Variants in TUSC3 observed in about 807,000 individuals in gnomAD.
TUSC3 encodes tumor suppressor candidate 3.
Under a neutral mutation model 44.8 loss-of-function variants are expected in TUSC3, and 45 were observed. That is an observed-to-expected ratio of 1.00 (90% confidence interval 0.79 to 1.29). The LOEUF (loss-of-function observed/expected upper bound fraction) is 1.29. Among genes scored for constraint, TUSC3 ranks in the 50% most tolerant of loss-of-function variants. The pLI, the probability that TUSC3 is intolerant of heterozygous loss-of-function variation, is 0.00. For synonymous variants in TUSC3, 212 were observed against 152.9 expected (o/e 1.39, Z -2.85); for missense variants, 519 against 437.9 (o/e 1.19, Z -1.65).
At chr8:15,624,014 T>C (rs1174117434) in intron 2 of TUSC3, among the ~76,000 whole-genome samples, 1 of 152,154 alleles carries the variant, frequency 6.6e-6, no homozygotes, top group Non-Finnish European at 1.5e-5. Flanking sequence ...CACTAGTCTG[T>C]TCTCCATTTC....
rs553454001 is a variant in TUSC3, at chr8:15,471,114, G to A, written n.92-12272G>A. Among the ~76,000 whole-genome samples the A allele has an allele frequency of 5.5e-5, 6 of 109,872 alleles. No homozygotes were observed. The South Asian group carries it at 1.5e-3, about 28-fold the overall frequency. 72.1% of individuals were successfully genotyped at this position (109,872 alleles called of 152,430 possible). A position where few individuals can be genotyped will look rare whatever the true frequency, so the allele number is the denominator to read the frequency against. On this transcript the variant is annotated intron_variant and non_coding_transcript_variant, in intron 1 of 5. Transcript: ENST00000503191. Reference sequence around the variant, plus strand: ...CTGTTTACTAACTGTGTGGTCAGAGGAGGTGCAAACATTTCTTTGATTTAA... The same window carrying A: ...CTGTTTACTAACTGTGTGGTCAGAGAAGGTGCAAACATTTCTTTGATTTAA...
chr8:15,551,869 G>A (rs1802072218), intron 1 of TUSC3, among the ~76,000 whole-genome samples: 1 of 151,726 alleles, frequency 6.6e-6, no homozygotes, highest in South Asian at 2.1e-4. Context: ...TAGCGTCATA[G>A]CATTTGTATA....
chr8:15,540,865 G>T (rs1801664436), intron 1 of TUSC3, among the ~76,000 whole-genome samples: 1 of 152,216 alleles, frequency 6.6e-6, no homozygotes, highest in Non-Finnish European at 1.5e-5. Flanking sequence ...GAGCAATGGT[G>T]CCACTAAAAG....
At chr8:15,431,069 T>C (rs13259179) in intron 1 of TUSC3, among the ~76,000 whole-genome samples, 37,377 of 151,704 alleles carry the variant, frequency 0.25, 5,859 homozygotes, top group Non-Finnish European at 0.34. Flanking sequence ...AGAACCGTAT[T>C]GTTTTAATTA....
chr8:15,671,509 C>T (rs1807945237), intron 5 of TUSC3, among the ~76,000 whole-genome samples: 4 of 152,046 alleles, frequency 2.6e-5, no homozygotes, highest in Middle Eastern at 3.4e-3. Context: ...TTTGTTGTTT[C>T]TTATGAAAAG....
chr8:15,788,479 G>A, the TUSC3 span, among the ~76,000 whole-genome samples: 24 of 151,062 alleles, frequency 1.6e-4, no homozygotes, highest in South Asian at 6.3e-4. Flanking sequence ...CCCAGGAGGC[G>A]GAGGTTGCAG....
upstream of TUSC3, among the ~76,000 whole-genome samples, chr8:15,539,881 G>T (rs1801613911): frequency 6.6e-6 from 1 of 151,982 alleles, no homozygotes; most frequent in South Asian, 2.1e-4. Context: ...GGAGTTAGAT[G>T]GTTTCCCAGG....
At chr8:15,487,780 G>T (rs112127350) in intron 2 of TUSC3, among the ~76,000 whole-genome samples, 1 of 152,080 alleles carries the variant, frequency 6.6e-6, no homozygotes. Flanking sequence ...TCCCATGTTA[G>T]ATGTTTCCAA....
chr8:15,761,652 G>A lies in TUSC3; in HGVS notation c.*47-2551G>A, dbSNP rs573946922. 2.6e-5 allele frequency among the ~76,000 whole-genome samples: 4 copies of A among 152,324 alleles called. No homozygotes were observed. In the South Asian group the frequency reaches 8.3e-4, roughly 32 times the overall value. ...ACTACAGTGCGATTCGTTCATGACTGAGCGTGGAGCAGAGTCCACACAGAA... is the reference window on the plus strand; with the variant it reads ...ACTACAGTGCGATTCGTTCATGACTAAGCGTGGAGCAGAGTCCACACAGAA... On this transcript the variant is annotated intron_variant, in intron 10 of 10. Coordinates refer to ENST00000503731, the MANE Select transcript of TUSC3 (RefSeq NM_006765.4).
chr8:15,761,091 C>T (rs896288831), intron 10 of TUSC3, among the ~76,000 whole-genome samples: 3 of 152,114 alleles, frequency 2.0e-5, no homozygotes, highest in Admixed American at 1.3e-4. Context: ...TTGTTAAATG[C>T]TGATTGAAAC....
At position 15,650,772 on chromosome 8, in the gene TUSC3, C is replaced by T. The variant is rs377335768; in HGVS notation, c.384C>T (p.Phe128=). 2.5e-6 allele frequency: 4 copies of T among 1,614,120 alleles called. No individual in the cohort carries two copies. The highest frequency in any genetic ancestry group is 2.2e-5 in the South Asian group (2 of 91,074). ...CTGCTTTTTGTAACAAGCTCTTCTT[C>T]AGTATGGTGGACTATGATGAGGGGA... is the stretch of plus-strand genomic sequence containing the variant. ...YSSAFCNKLF[F]SMVDYDEGTD... is the part of the protein sequence containing the mutation. The change falls in exon 3 of 11, where the codon TTC becomes TTT. Residue 128 remains phenylalanine, a synonymous_variant. Coordinates refer to ENST00000503731, the MANE Select transcript of TUSC3 (RefSeq NM_006765.4).
At chr8:15,601,145 C>G (rs559478052) in intron 1 of TUSC3, among the ~76,000 whole-genome samples, 2 of 151,590 alleles carry the variant, frequency 1.3e-5, no homozygotes, top group African/African-American at 2.4e-5. Flanking sequence ...AGTCTGTTAC[C>G]TAAATGATTC....
At chr8:15,649,064 T>G (rs1014290585) in intron 2 of TUSC3, among the ~76,000 whole-genome samples, 6 of 152,200 alleles carry the variant, frequency 3.9e-5, no homozygotes, top group Non-Finnish European at 7.4e-5. Context: ...CAGTTCTTGA[T>G]AAATACAATA....
At chr8:15,776,053 C>A in the TUSC3 span, among the ~76,000 whole-genome samples, 1 of 151,980 alleles carries the variant, frequency 6.6e-6, no homozygotes, top group African/African-American at 2.4e-5. Flanking sequence ...ATTCACTATT[C>A]TCCAAATACA....
In TUSC3 at chr8:15,527,331, C is replaced by G. The variant is rs60652479; in HGVS notation, n.189+43848C>G. On this transcript the variant is annotated intron_variant and non_coding_transcript_variant, in intron 2 of 5. Transcript: ENST00000503191. ...TCCCAGGTTTAAGTGATTCTTCTTC[C>G]TCCACCTCCCTAGTAGCTGGGATTA... Among the ~76,000 whole-genome samples the G allele has an allele frequency of 4.4e-3, 667 of 152,232 alleles. 3 individuals are homozygous for G. The East Asian group carries it at 0.053, about 12-fold the overall frequency.
chr8:15,612,723 A>G (rs1804816586), intron 1 of TUSC3, among the ~76,000 whole-genome samples: 1 of 152,196 alleles, frequency 6.6e-6, no homozygotes, highest in Non-Finnish European at 1.5e-5. Flanking sequence ...TGTTTTTTAT[A>G]AAGTAACAAG....
the TUSC3 span, among the ~76,000 whole-genome samples, chr8:15,778,607 A>C: frequency 9.5e-4 from 145 of 152,348 alleles, no homozygotes; most frequent in East Asian, 0.018. Flanking sequence ...TCTTCCAAGT[A>C]GGCAGGGCCA....
intron 5 of TUSC3, 28 bp downstream of exon 5, chr8:15,662,324 TTTCCTGTTC>T (rs1563160202): frequency 1.9e-6 from 3 of 1,611,904 alleles, no homozygotes; most frequent in Non-Finnish European, 2.5e-6. Context: ...GCTTTTTTTA[TTTCCTGTTC>T]TTTGTGTAAT....
chr8:15,467,273 T>C (rs959364857), intron 1 of TUSC3, among the ~76,000 whole-genome samples: 1 of 133,558 alleles, frequency 7.5e-6, no homozygotes, highest in Non-Finnish European at 1.6e-5. Context: ...GAAAGTTCTT[T>C]AGCCAAAAAA....
Sources: allele counts gnomAD v4.1 joint callset (sites outside exome capture counted in the v4.1 genomes callset), GRCh38; gene constraint gnomAD v4.1.1; transcripts MANE v1.5; gene names NCBI Gene and HGNC (gene_info 2026-07-23, HGNC 2026-07-21).